The following TRAPPC9 variants were observed in gnomAD, a reference collection of about 807,000 sequenced individuals.
TRAPPC9 encodes trafficking protein particle complex subunit 9, also known as IKK2 binding protein.
TRAPPC9 carries 83 observed loss-of-function variants against 124.0 expected under a neutral mutation model. The observed-to-expected ratio is 0.67, with a 90% CI of 0.56 to 0.80. The LOEUF (loss-of-function observed/expected upper bound fraction) is 0.80, where lower values mean the gene tolerates loss of function less well. Among genes scored for constraint, TRAPPC9 ranks in the 30% least tolerant of loss-of-function variants. The pLI is 0.00. For synonymous variants in TRAPPC9, 638 were observed against 617.5 expected, an observed-to-expected ratio of 1.03 and a Z score of -0.49; for missense variants, 1,302 against 1,508.3, an observed-to-expected ratio of 0.86 and a Z score of 2.27.
intron 15 of TRAPPC9, among the ~76,000 whole-genome samples, chr8:140,264,785 C>T (rs1051015419): frequency 1.3e-5 from 2 of 152,154 alleles, no homozygotes; most frequent in African/African-American, 4.8e-5. Flanking sequence ...GGAAGCCAAA[C>T]CATCAGTCTT....
intron 17 of TRAPPC9, among the ~76,000 whole-genome samples, chr8:140,067,052 C>T (rs1252259190): frequency 6.6e-6 from 1 of 152,154 alleles, no homozygotes; most frequent in African/African-American, 2.4e-5. Flanking sequence ...ACATTTTTGT[C>T]ACATATCTGT....
intron 10 of TRAPPC9, among the ~76,000 whole-genome samples, chr8:140,304,004 T>C (rs1168252659): frequency 6.6e-6 from 1 of 152,220 alleles, no homozygotes; most frequent in African/African-American, 2.4e-5. Context: ...CAGCTTACCC[T>C]GTAACACTAA....
At chr8:140,316,694 T>C (rs779769036) in intron 9 of TRAPPC9, among the ~76,000 whole-genome samples, 6 of 152,180 alleles carry the variant, frequency 3.9e-5, no homozygotes, top group Non-Finnish European at 7.4e-5. Context: ...GGGATATCTG[T>C]CTTTTGAGAT....
chr8:139,848,039 C>T (rs1242267777), intron 21 of TRAPPC9, among the ~76,000 whole-genome samples: 1 of 152,236 alleles, frequency 6.6e-6, no homozygotes. Flanking sequence ...AGGGCCTGTC[C>T]CAGGAGCTCC....
intron 17 of TRAPPC9, among the ~76,000 whole-genome samples, chr8:140,203,705 G>T (rs1339096939): frequency 6.6e-6 from 1 of 152,202 alleles, no homozygotes; most frequent in African/African-American, 2.4e-5. Flanking sequence ...GAGATCAAAC[G>T]AATTCTGCTG....
In TRAPPC9 at chr8:139,996,158, CAAAAAAAAAAAA is replaced by C; in HGVS notation, c.2700-7334_2700-7323del. ...AAAAAAAGAACCAGAAAAACTTAAG[CAAAAAAAAAAAA>C]AAAAAAAAAAAAGAAAGGAAAGAAA... On this transcript the variant is annotated intron_variant, in intron 18 of 22. Coordinates refer to ENST00000438773, the MANE Select transcript of TRAPPC9 (RefSeq NM_001160372.4). Among the ~76,000 whole-genome samples, 16 of 19,424 alleles carry C rather than the reference CAAAAAAAAAAAA, an allele frequency of 8.2e-4. No homozygotes were observed. In the South Asian group the frequency reaches 0.011, roughly 13 times the overall value. 12.7% of individuals were successfully genotyped at this position (19,424 alleles called of 152,430 possible).
intron 17 of TRAPPC9, among the ~76,000 whole-genome samples, chr8:140,171,346 T>A (rs1411883918): frequency 6.6e-6 from 1 of 152,222 alleles, no homozygotes; most frequent in African/African-American, 2.4e-5. Flanking sequence ...AAACAATTAG[T>A]AAATAAATGC....
intron 11 of TRAPPC9, among the ~76,000 whole-genome samples, chr8:140,297,396 C>T (rs537333355): frequency 6.6e-6 from 1 of 151,674 alleles, no homozygotes; most frequent in Non-Finnish European, 1.5e-5. Flanking sequence ...TGCATACACA[C>T]ATACAGATGC....
At chr8:140,076,342 T>G (rs887926953) in intron 17 of TRAPPC9, among the ~76,000 whole-genome samples, 1 of 152,146 alleles carries the variant, frequency 6.6e-6, no homozygotes, top group Non-Finnish European at 1.5e-5. Flanking sequence ...GGGCCTTCGG[T>G]GACACTCTCC....
At chr8:139,896,221 T>C (rs1830658485) in intron 20 of TRAPPC9, among the ~76,000 whole-genome samples, 2 of 152,208 alleles carry the variant, frequency 1.3e-5, no homozygotes, top group East Asian at 3.8e-4. Context: ...ACAGCCACAG[T>C]TGTAATACTA....
intron 17 of TRAPPC9, among the ~76,000 whole-genome samples, chr8:140,132,129 C>G (rs2061218909): frequency 6.6e-6 from 1 of 152,230 alleles, no homozygotes; most frequent in African/African-American, 2.4e-5. Flanking sequence ...AATCAAGACC[C>G]TGTTGCCTGG....
chr8:140,214,774 C>T (rs149744689), intron 17 of TRAPPC9, among the ~76,000 whole-genome samples: 3 of 152,230 alleles, frequency 2.0e-5, no homozygotes, highest in East Asian at 1.9e-4. Flanking sequence ...CAGTCATGAA[C>T]GTGGACAGAC....
intron 21 of TRAPPC9, among the ~76,000 whole-genome samples, chr8:139,838,979 G>T (rs1048620245): frequency 3.3e-5 from 5 of 152,172 alleles, no homozygotes; most frequent in Non-Finnish European, 5.9e-5. Context: ...ACATGGCCAC[G>T]CTGGGAGGGG....
At chr8:140,305,535 C>T (rs1181525647) in intron 10 of TRAPPC9, among the ~76,000 whole-genome samples, 3 of 152,214 alleles carry the variant, frequency 2.0e-5, no homozygotes, top group African/African-American at 7.2e-5. Context: ...CTCCTGAGCT[C>T]AGGCAATCCC....
intron 17 of TRAPPC9, among the ~76,000 whole-genome samples, chr8:140,140,402 G>C (rs993312266): frequency 2.5e-4 from 38 of 152,278 alleles, no homozygotes; most frequent in African/African-American, 9.1e-4. Flanking sequence ...TACTGGTGTT[G>C]TGTGGTGGTG....
chr8:139,918,185 ATTTCT>A (rs554969467), intron 19 of TRAPPC9, among the ~76,000 whole-genome samples: 55 of 152,224 alleles, frequency 3.6e-4, no homozygotes, highest in African/African-American at 1.3e-3. Context: ...GAGGCCCATT[ATTTCT>A]TCAGTTTGGA....
chr8:139,972,633 T>C (rs1001352513), intron 19 of TRAPPC9, among the ~76,000 whole-genome samples: 5 of 152,154 alleles, frequency 3.3e-5, no homozygotes, highest in Admixed American at 1.3e-4. Flanking sequence ...ACCACAGCCC[T>C]GGCCACGACT....
chr8:140,455,448 T>C lies in TRAPPC9; in HGVS notation c.-11+2191A>G, dbSNP rs1196912834. 2.6e-5 allele frequency among the ~76,000 whole-genome samples: 4 copies of C among 151,102 alleles called. No individual in the cohort carries two copies. In the East Asian group the frequency reaches 7.8e-4, roughly 30 times the overall value. ...TCTTGTTTTTTGTTTGTTTGTTGTT[T>C]TGAGATGGAGTCTCACTCTGTCGCC... On this transcript the variant is annotated intron_variant, in intron 1 of 22. Coordinates refer to ENST00000438773, the MANE Select transcript of TRAPPC9 (RefSeq NM_001160372.4).
chr8:139,852,553 A>G (rs549664049), intron 21 of TRAPPC9, among the ~76,000 whole-genome samples: 1 of 152,332 alleles, frequency 6.6e-6, no homozygotes, highest in African/African-American at 2.4e-5. Context: ...GTATAAAATG[A>G]CAGAGAACAG....
Sources: gnomAD v4.1 joint callset for allele counts (sites outside exome capture counted in the v4.1 genomes callset) on GRCh38, gnomAD v4.1.1 for gene constraint, MANE v1.5 for transcripts, NCBI Gene and HGNC (gene_info 2026-07-23, HGNC 2026-07-21) for gene names.